MICU2: variants seen among roughly 807,000 people sequenced by gnomAD.
MICU2 encodes mitochondrial calcium uptake 2, also known as calcium uptake protein 2, mitochondrial.
A neutral mutation model predicts 60.4 loss-of-function variants in MICU2; 64 were observed. The ratio of observed to expected loss-of-function variants is 1.06; its 90% CI spans 0.87 to 1.31. The LOEUF is 1.31. MICU2 is among the 50% of genes most tolerant of loss of function. The pLI is 0.00. For missense variants in MICU2, 569 were observed against 531.0 expected (o/e 1.07, Z -0.70); for synonymous variants, 201 against 175.0 (o/e 1.15, Z -1.17).
chr13:21,602,326 T>C (rs992579021), intron 1 of MICU2, among the ~76,000 whole-genome samples: 2 of 151,868 alleles, frequency 1.3e-5, no homozygotes, highest in African/African-American at 4.8e-5. Flanking sequence ...ATCGAGACCA[T>C]CCTGGCTAAT....
Position 21,604,138 on chromosome 13 carries a change from G to A in MICU2, c.11C>T (p.Ala4Val), listed in dbSNP as rs572354157. The A allele has an allele frequency of 5.1e-6, 8 of 1,559,122 alleles. No individual in the cohort carries two copies. The highest frequency in any genetic ancestry group is 2.3e-5 in the South Asian group (2 of 85,414). Residue 4 changes from alanine to valine, a missense_variant, in exon 1 of 12, where the codon GCT becomes GTT. Physicochemically the swap from Ala to Val is moderately conservative, Grantham distance 64. Coordinates refer to ENST00000382374, the MANE Select transcript of MICU2 (RefSeq NM_152726.3). The stretch of plus-strand genomic sequence containing the variant: ...CGCCACCCGCGCGCAGCTACCCGCA[G>A]CCGCCGCCATCTTTGCGGAAGCGCA... The part of the protein sequence containing the change: MAA[A>V]AGSCARVAAW...
chr13:21,527,124 C>G (rs1012320727), intron 4 of MICU2, among the ~76,000 whole-genome samples: 1 of 151,996 alleles, frequency 6.6e-6, no homozygotes. Context: ...GACTATAGTA[C>G]GTTTTCAGAT....
At chr13:21,519,348 G>A (rs753077159) in intron 6 of MICU2, among the ~76,000 whole-genome samples, 1 of 152,058 alleles carries the variant, frequency 6.6e-6, no homozygotes, top group Non-Finnish European at 1.5e-5. Flanking sequence ...GTGAGCTACC[G>A]TGCCCACCCT....
At chr13:21,576,667 C>T (rs185745631) in intron 1 of MICU2, among the ~76,000 whole-genome samples, 4 of 152,292 alleles carry the variant, frequency 2.6e-5, no homozygotes, top group African/African-American at 9.6e-5. Flanking sequence ...TTCCATACCC[C>T]AGTCCTCAGC....
intron 4 of MICU2, among the ~76,000 whole-genome samples, chr13:21,533,384 C>T (rs1218045313): frequency 2.7e-5 from 4 of 147,196 alleles, no homozygotes; most frequent in African/African-American, 7.5e-5. Context: ...AGTGCAGTGG[C>T]GCAATCTCGG....
At chr13:21,523,798 C>G (rs753500594) in intron 4 of MICU2, among the ~76,000 whole-genome samples, 36 of 152,212 alleles carry the variant, frequency 2.4e-4, no homozygotes, top group Non-Finnish European at 2.1e-4. Context: ...GATGCAAATG[C>G]TGGATCACTG....
At chr13:21,557,533 G>C (rs534531593) in intron 2 of MICU2, among the ~76,000 whole-genome samples, 208 of 152,260 alleles carry the variant, frequency 1.4e-3, no homozygotes, top group African/African-American at 4.9e-3. Flanking sequence ...TATTAATAAA[G>C]TGTATTATTT....
chr13:21,542,144 GTGT>G (rs1887298382), intron 2 of MICU2, among the ~76,000 whole-genome samples: 2 of 152,196 alleles, frequency 1.3e-5, no homozygotes, highest in South Asian at 4.1e-4. Flanking sequence ...AGAGGTTGTG[GTGT>G]TTCTAATCCA....
chr13:21,531,624 T>C (rs1887002372), intron 4 of MICU2, among the ~76,000 whole-genome samples: 1 of 152,186 alleles, frequency 6.6e-6, no homozygotes, highest in South Asian at 2.1e-4. Context: ...CTTCCTTCAG[T>C]AGTACACGCG....
At chr13:21,570,744 T>C (rs1888088804) in intron 1 of MICU2, among the ~76,000 whole-genome samples, 1 of 152,136 alleles carries the variant, frequency 6.6e-6, no homozygotes, top group South Asian at 2.1e-4. Flanking sequence ...GATCATCTAG[T>C]CCAACACTTC....
At chr13:21,563,107 G>A (rs918540126) in intron 2 of MICU2, among the ~76,000 whole-genome samples, 7 of 152,046 alleles carry the variant, frequency 4.6e-5, no homozygotes, top group Admixed American at 1.3e-4. Flanking sequence ...CTACAGATAA[G>A]GTGTTTTTTC....
At chr13:21,532,008 G>T (rs1235566783) in intron 4 of MICU2, among the ~76,000 whole-genome samples, 1 of 152,110 alleles carries the variant, frequency 6.6e-6, no homozygotes, top group African/African-American at 2.4e-5. Flanking sequence ...AATCTAACAG[G>T]ATTCTCTGAT....
At chr13:21,585,192 T>A (rs759560081) in intron 1 of MICU2, among the ~76,000 whole-genome samples, 2 of 152,228 alleles carry the variant, frequency 1.3e-5, no homozygotes, top group Non-Finnish European at 2.9e-5. Flanking sequence ...TCTCTTTTCA[T>A]AATCTAGCCA....
chr13:21,513,739 C>CAAAAAAAAAAAAAA (rs376128312), intron 7 of MICU2, among the ~76,000 whole-genome samples: 1 of 59,114 alleles, frequency 1.7e-5, no homozygotes, highest in East Asian at 6.9e-4. Flanking sequence ...GACTCTGTCT[C>CAAAAAAAAAAAAAA]AAAAAAAAAA....
chr13:21,603,313 TG>T (rs1163420908), intron 1 of MICU2, among the ~76,000 whole-genome samples: 1 of 152,322 alleles, frequency 6.6e-6, no homozygotes, highest in South Asian at 2.1e-4. Context: ...GAGCAATTTT[TG>T]CTTAGAACTT....
intron 1 of MICU2, among the ~76,000 whole-genome samples, chr13:21,592,341 A>G (rs1405361886): frequency 6.6e-6 from 1 of 152,214 alleles, no homozygotes; most frequent in African/African-American, 2.4e-5. Context: ...GAATAGACCA[A>G]TAACAAGCTG....
At chr13:21,529,034 C>T (rs1366717115) in intron 4 of MICU2, among the ~76,000 whole-genome samples, 1 of 152,052 alleles carries the variant, frequency 6.6e-6, no homozygotes, top group Non-Finnish European at 1.5e-5. Flanking sequence ...TTATGCAGGG[C>T]ACAGGACACA....
chr13:21,535,927 T>A (rs1313406213), intron 4 of MICU2, among the ~76,000 whole-genome samples: 1 of 152,222 alleles, frequency 6.6e-6, no homozygotes, highest in Non-Finnish European at 1.5e-5. Flanking sequence ...GATTAAGTAA[T>A]TTCCCCGGGT....
chr13:21,579,343 C>CTTT (rs11372645), intron 1 of MICU2, among the ~76,000 whole-genome samples: 11 of 141,398 alleles, frequency 7.8e-5, no homozygotes, highest in Admixed American at 1.4e-4. Flanking sequence ...AAAGCTCTGC[C>CTTT]TTTTTTTTTT....
Sources: gnomAD v4.1 joint callset for allele counts (sites outside exome capture counted in the v4.1 genomes callset) on GRCh38, gnomAD v4.1.1 for gene constraint, MANE v1.5 for transcripts, NCBI Gene and HGNC (gene_info 2026-07-23, HGNC 2026-07-21) for gene names.